LRRC58: variants seen among roughly 807,000 people sequenced by gnomAD.
LRRC58 encodes leucine-rich repeat-containing protein 58.
Under a neutral mutation model 30.6 loss-of-function variants are expected in LRRC58, and 18 were observed. That is an observed-to-expected ratio of 0.59 (90% CI 0.41 to 0.87). The LOEUF is 0.87. LRRC58 is among the 40% of genes least tolerant of loss of function. The pLI, the probability that LRRC58 is intolerant of heterozygous loss-of-function variation, is 0.00. For missense variants in LRRC58, 420 were observed against 468.4 expected (o/e 0.90, Z 0.95); for synonymous variants, 221 against 206.0 (o/e 1.07, Z -0.62).
chr3:120,332,868 G>A (rs986062518), intron 3 of LRRC58, among the ~76,000 whole-genome samples: 1 of 151,896 alleles, frequency 6.6e-6, no homozygotes, highest in African/African-American at 2.4e-5. Flanking sequence ...TCTTACCTCA[G>A]CCTCCTGAGT....
In LRRC58 at chr3:120,329,510, C is replaced by T. The variant is rs1252244999; in HGVS notation, c.*1690G>A. On this transcript the variant is annotated 3_prime_UTR_variant, in exon 4 of 4. Transcript: ENST00000295628. ...ATAACAAGGTAAAGGTGAAGGGATTCATTCTATAGCAGCGTTTCACATCTG... is the reference window on the plus strand; with the variant it reads ...ATAACAAGGTAAAGGTGAAGGGATTTATTCTATAGCAGCGTTTCACATCTG... The T allele has an allele frequency of 6.6e-6, 1 of 152,062 alleles. No individual in the cohort carries two copies. Among genetic ancestry groups the T allele is most frequent in the Non-Finnish European group, 1.5e-5 (1 of 67,938 alleles). 9.4% of individuals were successfully genotyped at this position (152,062 alleles called of 1,614,324 possible).
In LRRC58 at chr3:120,348,898, A is replaced by C; in HGVS notation, c.346T>G (p.Ser116Ala). 6.3e-7 allele frequency: 1 copy of C among 1,576,660 alleles called. No individual in the cohort carries two copies. The highest frequency in any genetic ancestry group is 8.6e-7 in the Non-Finnish European group (1 of 1,162,488). The change falls in exon 1 of 4, where the codon TCG becomes GCG. Residue 116 changes from serine (S) to alanine (A), a missense_variant. Physicochemically the swap from Ser to Ala is moderately conservative, Grantham distance 99 (BLOSUM62 1). Around this residue, in one of 2 missense-constraint regions of LRRC58, gnomAD observed 266 missense variants for 251.7 expected, o/e 1.06. Transcript: ENST00000295628. The part of the protein sequence containing the change: ...PSALPKGLAQ[S>A]PLCRSLQVLN... ...ACCTGGAGGCTGCGGCAGAGCGGCG[A>C]CTGGGCCAGGCCCTTGGGCAGCGCA...
chr3:120,330,929 T>C lies in LRRC58; in HGVS notation c.*271A>G, dbSNP rs981043837. 6.9e-6 allele frequency: 3 copies of C among 432,354 alleles called. No individual in the cohort carries two copies. Among genetic ancestry groups the C allele is most frequent in the African/African-American group, 6.0e-5 (3 of 50,236 alleles). The allele number at this position is 432,354 out of a possible 1,614,324, so 26.8% of individuals were successfully genotyped here. ...GCTCTTCAAAAGGTACCATTCTGCT[T>C]TGTGATTCATGCAAAACTTGAGTGA... On this transcript the variant is annotated 3_prime_UTR_variant, in exon 4 of 4. Coordinates refer to ENST00000295628, the MANE Select transcript of LRRC58 (RefSeq NM_001099678.2).
Position 120,335,868 on chromosome 3 carries a change from A to G in LRRC58, c.586T>C (p.Leu196=), listed in dbSNP as rs1188386244. The part of the protein sequence containing the change: ...GNLPSLNYLV[L]CDNKIQSIPP... Reference sequence around the variant, plus strand: ...ATGCTTTGGATTTTGTTGTCACATAATACCAAATAATTCAGAGAAGGCAGA... The same window carrying G: ...ATGCTTTGGATTTTGTTGTCACATAGTACCAAATAATTCAGAGAAGGCAGA... The change falls in exon 2 of 4, where the codon TTA becomes CTA. Residue 196 remains leucine, a synonymous_variant. Transcript: ENST00000295628. 6.2e-7 allele frequency: 1 copy of G among 1,609,392 alleles called. No homozygotes were observed.
chr3:120,334,785 C>A, intron 3 of LRRC58, 77 bp downstream of exon 3: 8 of 1,300,174 alleles, frequency 6.2e-6, no homozygotes, highest in Non-Finnish European at 8.4e-6. Context: ...ACAGAGACTG[C>A]TTTTGTCTGA....
At chr3:120,332,497 C>T (rs1048802203) in intron 3 of LRRC58, among the ~76,000 whole-genome samples, 3 of 151,628 alleles carry the variant, frequency 2.0e-5, no homozygotes, top group African/African-American at 7.3e-5. Flanking sequence ...AGTCATAGAC[C>T]GATAATAAAT....
At chr3:120,340,177 T>G (rs564654273) in intron 1 of LRRC58, among the ~76,000 whole-genome samples, 1 of 152,322 alleles carries the variant, frequency 6.6e-6, no homozygotes, top group South Asian at 2.1e-4. Context: ...CAGTTTTAAC[T>G]TCAGGATCTA....
intron 1 of LRRC58, 91 bp from the exon 2 acceptor site, chr3:120,336,044 T>G: frequency 2.3e-6 from 2 of 885,810 alleles, no homozygotes; most frequent in South Asian, 3.5e-5. Flanking sequence ...TTTCATCTAT[T>G]CATTCAGCAA....
intron 1 of LRRC58, among the ~76,000 whole-genome samples, 191 bp downstream of exon 1, chr3:120,348,553 A>G (rs750953027): frequency 6.4e-4 from 98 of 152,242 alleles, no homozygotes; most frequent in Non-Finnish European, 1.8e-4. Context: ...CACACCAAAC[A>G]GTCACACATG....
chr3:120,331,486 C>G (rs970187073), intron 3 of LRRC58, 78 bp from the exon 4 acceptor site: 3 of 1,083,734 alleles, frequency 2.8e-6, no homozygotes, highest in Non-Finnish European at 4.2e-6. Context: ...CTCCAGTGTT[C>G]TGGAGAAATG....
rs779980476 is a variant in LRRC58, at chr3:120,335,016, A to G, written c.753T>C (p.Phe251=). ...GAGGATCATAGGTTAAATCTCTAAC[A>G]AAACGAACAACCAATGGATTTCCTC... ...SLRGNPLVVR[F]VRDLTYDPPT... is the part of the protein sequence containing the mutation. The change falls in exon 3 of 4, where the codon TTT becomes TTC. Residue 251 remains phenylalanine, a synonymous_variant. Transcript: ENST00000295628. The G allele has an allele frequency of 1.2e-6, 2 of 1,613,840 alleles. No individual in the cohort carries two copies. Among genetic ancestry groups the G allele is most frequent in the African/African-American group, 2.7e-5 (2 of 74,930 alleles).
At chr3:120,337,249 T>C (rs1174330446) in intron 1 of LRRC58, among the ~76,000 whole-genome samples, 1 of 152,258 alleles carries the variant, frequency 6.6e-6, no homozygotes, top group Admixed American at 6.5e-5. Flanking sequence ...GAGCACTCCT[T>C]AACCTACAAC....
intron 1 of LRRC58, among the ~76,000 whole-genome samples, chr3:120,336,371 G>C (rs1169798018): frequency 6.6e-6 from 1 of 152,176 alleles, no homozygotes; most frequent in Non-Finnish European, 1.5e-5. Context: ...AGAAGAAAGA[G>C]TACACTTCAG....
At position 120,330,068 on chromosome 3, in the gene LRRC58, C is replaced by A. The variant is rs538093268; in HGVS notation, c.*1132G>T. The A allele has an allele frequency of 6.6e-6, 1 of 152,048 alleles. No individual in the cohort carries two copies. The highest frequency in any genetic ancestry group is 6.5e-5 in the Admixed American group (1 of 15,276). 9.4% of individuals were successfully genotyped at this position (152,048 alleles called of 1,614,324 possible). On this transcript the variant is annotated 3_prime_UTR_variant, in exon 4 of 4. Coordinates refer to ENST00000295628, the MANE Select transcript of LRRC58 (RefSeq NM_001099678.2). ...CCATTAGGTATAAGGACAATGACTCCTTTTCTCCATTTTTATTTGGCTTGT... is the reference window on the plus strand; with the variant it reads ...CCATTAGGTATAAGGACAATGACTCATTTTCTCCATTTTTATTTGGCTTGT...
At chr3:120,337,825 T>C (rs1232423634) in intron 1 of LRRC58, among the ~76,000 whole-genome samples, 1 of 152,110 alleles carries the variant, frequency 6.6e-6, no homozygotes, top group Non-Finnish European at 1.5e-5. Flanking sequence ...CCTTAATTCA[T>C]ATGAATCATT....
At position 120,346,520 on chromosome 3, in the gene LRRC58, G is replaced by A. The variant is rs1296625107; in HGVS notation, c.500+2224C>T. ...ATCATTGTGAGTATTAAAAAGCATA[G>A]TTAGCACCTATGACAGGATCTACTG... On this transcript the variant is annotated intron_variant, in intron 1 of 3. Transcript: ENST00000295628. 3.9e-5 allele frequency among the ~76,000 whole-genome samples: 6 copies of A among 152,124 alleles called. No individual in the cohort carries two copies. The East Asian group carries it at 1.2e-3, about 29-fold the overall frequency.
chr3:120,335,063 G>A lies in LRRC58; in HGVS notation c.706C>T (p.His236Tyr), dbSNP rs770871284. Reference sequence around the variant, plus strand: ...CCTCGTAAACTCAACTCTTCCAAATGAATAAGGTTGAGGATCTCTCGAGGC... The same window carrying A: ...CCTCGTAAACTCAACTCTTCCAAATAAATAAGGTTGAGGATCTCTCGAGGC... ...YLPREILNLI[H>Y]LEELSLRGNP... Residue 236 changes from histidine to tyrosine, a missense_variant, in exon 3 of 4, where the codon CAT becomes TAT. Physicochemically the swap from His to Tyr is moderately conservative, Grantham distance 83. This residue lies in a region of LRRC58 where 154 missense variants were observed against 216.8 expected (regional missense o/e 0.71). Coordinates refer to ENST00000295628, the MANE Select transcript of LRRC58 (RefSeq NM_001099678.2). 6.2e-7 allele frequency: 1 copy of A among 1,613,922 alleles called. No individual in the cohort carries two copies. The highest frequency in any genetic ancestry group is 8.5e-7 in the Non-Finnish European group (1 of 1,179,826).
chr3:120,343,839 G>A (rs1409641862), intron 1 of LRRC58, among the ~76,000 whole-genome samples: 1 of 152,072 alleles, frequency 6.6e-6, no homozygotes, highest in Non-Finnish European at 1.5e-5. Context: ...AGACCAGCCT[G>A]GCCAACATGG....
Position 120,324,782 on chromosome 3 carries a change from A to G in LRRC58, c.*6418T>C, listed in dbSNP as rs1935650819. 6.6e-6 allele frequency: 1 copy of G among 152,160 alleles called. No homozygotes were observed. Among genetic ancestry groups the G allele is most frequent in the Non-Finnish European group, 1.5e-5 (1 of 68,022 alleles). The allele number at this position is 152,160 out of a possible 1,614,324, so 9.4% of individuals were successfully genotyped here. On this transcript the variant is annotated 3_prime_UTR_variant, in exon 4 of 4. Transcript: ENST00000295628. The stretch of plus-strand genomic sequence containing the variant: ...CATTACAAGGCAATATATAAATTTG[A>G]TATTAATATAATAAACAATAACTTA...
Sources: gnomAD v4.1 joint callset for allele counts (sites outside exome capture counted in the v4.1 genomes callset) on GRCh38, gnomAD v4.1.1 for gene constraint, gnomAD v4.1.1 regional missense constraint, MANE v1.5 for transcripts, NCBI Gene and HGNC (gene_info 2026-07-23, HGNC 2026-07-21) for gene names.